The following CNTN4 variants were observed in gnomAD, a reference collection of about 807,000 sequenced individuals.
CNTN4 encodes the protein contactin 4.
A neutral mutation model predicts 122.5 loss-of-function variants in CNTN4; 77 were observed. The observed-to-expected ratio is 0.63, with a 90% CI of 0.52 to 0.76. The LOEUF (loss-of-function observed/expected upper bound fraction) is 0.76. CNTN4 is among the 30% of genes least tolerant of loss of function. The pLI is 0.00. For missense variants in CNTN4, 1,256 were observed against 1,259.1 expected (o/e 1.00, Z 0.04); for synonymous variants, 512 against 447.0 (o/e 1.15, Z -1.83).
intron 3 of CNTN4, among the ~76,000 whole-genome samples, chr3:2,560,041 T>C (rs557068949): frequency 1.6e-4 from 25 of 152,338 alleles, no homozygotes; most frequent in South Asian, 6.2e-4. Context: ...TATTTACCAT[T>C]ACATGAGATG....
chr3:2,591,094 T>G (rs2080449896), intron 4 of CNTN4, among the ~76,000 whole-genome samples: 1 of 152,222 alleles, frequency 6.6e-6, no homozygotes, highest in Non-Finnish European at 1.5e-5. Flanking sequence ...TTATAATTGC[T>G]AATTGCTTTC....
intron 8 of CNTN4, among the ~76,000 whole-genome samples, chr3:2,879,628 T>TA (rs1210688470): frequency 7.1e-6 from 1 of 141,516 alleles, no homozygotes; most frequent in Non-Finnish European, 1.6e-5. Flanking sequence ...TTATAGGAAA[T>TA]ATTCAGAAAA....
At position 2,531,900 on chromosome 3, in the gene CNTN4, C is replaced by T. The variant is rs144282408; in HGVS notation, c.-88-39516C>T. Among the ~76,000 whole-genome samples, 798 of 152,252 alleles carry T rather than the reference C, an allele frequency of 5.2e-3. 4 individuals are homozygous for T. The highest frequency in any genetic ancestry group is 9.2e-3 in the Non-Finnish European group (623 of 68,032). On this transcript the variant is annotated intron_variant, in intron 3 of 24. Coordinates refer to ENST00000418658, the MANE Select transcript of CNTN4 (RefSeq NM_175607.3). ...AGCAGAAATAACCTGTGGCAGTGTTCGCTCTAATACTTGATCTTGTAAGAG... is the reference window on the plus strand; with the variant it reads ...AGCAGAAATAACCTGTGGCAGTGTTTGCTCTAATACTTGATCTTGTAAGAG...
intron 5 of CNTN4, among the ~76,000 whole-genome samples, chr3:2,744,312 A>G (rs1310662826): frequency 6.6e-6 from 1 of 152,070 alleles, no homozygotes; most frequent in Non-Finnish European, 1.5e-5. Flanking sequence ...ATCCTTTTAC[A>G]TTATGTACAG....
At chr3:2,795,864 A>T (rs2092160664) in intron 6 of CNTN4, among the ~76,000 whole-genome samples, 1 of 152,198 alleles carries the variant, frequency 6.6e-6, no homozygotes, top group Non-Finnish European at 1.5e-5. Flanking sequence ...TATCCAAAAT[A>T]GGTACATGTG....
Position 2,166,023 on chromosome 3 carries a change from C to T in CNTN4, c.-145+65384C>T, listed in dbSNP as rs950026336. ...TGCTGTAATGAACGTGGAAGTTCAT[C>T]TGTCTCTTCGAGAGAGCTATTTTAT... On this transcript the variant is annotated intron_variant, in intron 2 of 24. Coordinates refer to ENST00000418658, the MANE Select transcript of CNTN4 (RefSeq NM_175607.3). Among the ~76,000 whole-genome samples the T allele has an allele frequency of 3.3e-5, 5 of 152,248 alleles. No individual in the cohort carries two copies. In the East Asian group the frequency reaches 9.6e-4, roughly 29 times the overall value.
chr3:2,161,137 A>T (rs1402632498), intron 2 of CNTN4, among the ~76,000 whole-genome samples: 1 of 152,040 alleles, frequency 6.6e-6, no homozygotes, highest in Admixed American at 6.6e-5. Flanking sequence ...AAGGGATGGT[A>T]TCTGAGGAGG....
chr3:3,016,426 A>G (rs1224272883), intron 14 of CNTN4, among the ~76,000 whole-genome samples: 1 of 152,212 alleles, frequency 6.6e-6, no homozygotes, highest in Admixed American at 6.5e-5. Context: ...GACTTCCCAG[A>G]TGAGAAACCC....
chr3:2,880,661 C>T (rs916825794), intron 8 of CNTN4, among the ~76,000 whole-genome samples: 1 of 152,162 alleles, frequency 6.6e-6, no homozygotes, highest in African/African-American at 2.4e-5. Context: ...AATTTTGTAA[C>T]CGAACATGTC....
intron 8 of CNTN4, among the ~76,000 whole-genome samples, chr3:2,867,248 A>G (rs111799320): frequency 0.017 from 2,557 of 152,310 alleles, 39 homozygotes; most frequent in Non-Finnish European, 0.024. Flanking sequence ...TAAACTGTAT[A>G]CACAGTCAGA....
chr3:2,834,898 C>CTTTTTTTTTT lies in CNTN4; in HGVS notation c.454+15332_454+15341dup, dbSNP rs71058653. Among the ~76,000 whole-genome samples the CTTTTTTTTTT allele has an allele frequency of 4.1e-4, 25 of 60,460 alleles. 2 individuals carry two copies. Among genetic ancestry groups the CTTTTTTTTTT allele is most frequent in the African/African-American group, 1.2e-3 (16 of 13,268 alleles). The allele number at this position is 60,460 out of a possible 152,430, so 39.7% of individuals were successfully genotyped here. A position where few individuals can be genotyped will look rare whatever the true frequency, so the allele number is the denominator to read the frequency against. On this transcript the variant is annotated intron_variant, in intron 7 of 24. Transcript: ENST00000418658. The stretch of plus-strand genomic sequence containing the variant: ...AAGCATTAAATTAGATAAAGGCAAC[C>CTTTTTTTTTT]TTTTTTTTTTTTTTTTTTTTTTTTG...
At chr3:2,122,837 T>C (rs2033891469) in intron 2 of CNTN4, among the ~76,000 whole-genome samples, 1 of 152,226 alleles carries the variant, frequency 6.6e-6, no homozygotes, top group Non-Finnish European at 1.5e-5. Context: ...AGTGATCGTG[T>C]ACCCAGGTAA....
At chr3:3,043,794 GT>G in intron 23 of CNTN4, 90 bp downstream of exon 23, 1 of 854,218 alleles carries the variant, frequency 1.2e-6, no homozygotes, top group Non-Finnish European at 2.0e-6. Context: ...TGCATTGTCA[GT>G]TTCCCTGGTG....
intron 3 of CNTN4, among the ~76,000 whole-genome samples, chr3:2,484,131 T>C (rs989783634): frequency 6.6e-6 from 1 of 152,016 alleles, no homozygotes; most frequent in African/African-American, 2.4e-5. Flanking sequence ...AACAACAAAT[T>C]TTAAAAATCT....
intron 3 of CNTN4, among the ~76,000 whole-genome samples, chr3:2,455,387 G>A (rs2048962882): frequency 6.6e-6 from 1 of 152,068 alleles, no homozygotes; most frequent in African/African-American, 2.4e-5. Flanking sequence ...TATCCAGAGA[G>A]GACAATATAA....
At chr3:2,763,193 C>T (rs945733387) in intron 6 of CNTN4, among the ~76,000 whole-genome samples, 8 of 152,156 alleles carry the variant, frequency 5.3e-5, no homozygotes, top group African/African-American at 1.9e-4. Flanking sequence ...GATCCGCCCA[C>T]CTCGGCCTCC....
intron 10 of CNTN4, among the ~76,000 whole-genome samples, chr3:2,888,259 C>T (rs920529365): frequency 2.6e-5 from 4 of 152,152 alleles, no homozygotes; most frequent in Non-Finnish European, 5.9e-5. Context: ...GAGTTCTTGG[C>T]CATGATGGGA....
In CNTN4 at chr3:2,723,229, C is replaced by A. The variant is rs899364178; in HGVS notation, c.56-12986C>A. ...GATTCTGGTGAGAGCTCCATCACTG[C>A]GTATCTGTGTGACTTTGGATACACC... is the stretch of plus-strand genomic sequence containing the variant. On this transcript the variant is annotated intron_variant, in intron 4 of 24. Coordinates refer to ENST00000418658, the MANE Select transcript of CNTN4 (RefSeq NM_175607.3). 5.9e-5 allele frequency among the ~76,000 whole-genome samples: 9 copies of A among 152,164 alleles called. No homozygotes were observed. The East Asian group carries it at 1.7e-3, about 29-fold the overall frequency.
At chr3:3,041,619 G>A (rs1559824761) in intron 20 of CNTN4, among the ~76,000 whole-genome samples, 1 of 152,156 alleles carries the variant, frequency 6.6e-6, no homozygotes, top group Admixed American at 6.5e-5. Flanking sequence ...TGCCATAGCT[G>A]TGTACCATTT....
Sources: allele counts gnomAD v4.1 joint callset (sites outside exome capture counted in the v4.1 genomes callset), GRCh38; gene constraint gnomAD v4.1.1; transcripts MANE v1.5; gene names NCBI Gene and HGNC (gene_info 2026-07-23, HGNC 2026-07-21).